The following ATRX variants were observed in gnomAD, a reference collection of about 807,000 sequenced individuals.
ATRX encodes ATRX chromatin remodeler.
A neutral mutation model predicts 172.6 loss-of-function variants in ATRX; 12 were observed. The observed-to-expected ratio is 0.07, with a 90% confidence interval of 0.04 to 0.11. ATRX has a LOEUF of 0.11. Ranked by LOEUF, ATRX falls within the 10% of genes least tolerant of loss-of-function variation. The pLI is 1.00. For missense variants in ATRX, 1,368 were observed against 1,767.4 expected (o/e 0.77, Z 4.05); for synonymous variants, 674 against 594.7 (o/e 1.13, Z -1.94).
At chrX:77,639,484 C>A (rs1021392088) in intron 15 of ATRX, among the ~76,000 whole-genome samples, 1 of 111,706 alleles carries the variant, frequency 9.0e-6, no homozygotes, top group Non-Finnish European at 1.9e-5. Context: ...GGAAACTAAG[C>A]AGAAAACCCA....
intron 30 of ATRX, among the ~76,000 whole-genome samples, chrX:77,523,791 T>C (rs1557042656): frequency 8.9e-6 from 1 of 111,754 alleles, no homozygotes; most frequent in Non-Finnish European, 1.9e-5. Flanking sequence ...CTCCTATTTA[T>C]ACATCATAAA....
At chrX:77,647,522 A>G (rs1395091481) in intron 15 of ATRX, among the ~76,000 whole-genome samples, 2 of 112,224 alleles carry the variant, frequency 1.8e-5, no homozygotes, top group African/African-American at 6.5e-5. Flanking sequence ...TGGTAGGTAC[A>G]TTCGTGTTCA....
chrX:77,706,405 G>A (rs1347831760), intron 2 of ATRX, among the ~76,000 whole-genome samples: 1 of 110,613 alleles, frequency 9.0e-6, no homozygotes, highest in Non-Finnish European at 1.9e-5. Flanking sequence ...CCCCTACTTC[G>A]CAACATATAC....
At chrX:77,659,757 T>C (rs1557121569) in intron 12 of ATRX, among the ~76,000 whole-genome samples, 2 of 111,971 alleles carry the variant, frequency 1.8e-5, no homozygotes, top group African/African-American at 6.5e-5. Flanking sequence ...TTGCACTTTG[T>C]TCTTATACCT....
chrX:77,552,645 A>C (rs2064598810), intron 30 of ATRX, among the ~76,000 whole-genome samples: 1 of 111,628 alleles, frequency 9.0e-6, no homozygotes, highest in Non-Finnish European at 1.9e-5. Context: ...TGCATTATTC[A>C]CTAAGGATAC....
intron 2 of ATRX, among the ~76,000 whole-genome samples, chrX:77,713,212 G>C (rs1339763699): frequency 1.8e-5 from 2 of 111,649 alleles, no homozygotes; most frequent in Non-Finnish European, 1.9e-5. Context: ...CTTTCTGTTG[G>C]AGAAAGAAGT....
At chrX:77,589,686 G>A in intron 27 of ATRX, 148 bp downstream of exon 27, 1 of 449,198 alleles carries the variant, frequency 2.2e-6, no homozygotes, top group Non-Finnish European at 3.9e-6. Context: ...CATATATATG[G>A]ATAAGGACAA....
chrX:77,566,773 A>G (rs1557064768), intron 28 of ATRX, among the ~76,000 whole-genome samples: 5 of 112,054 alleles, frequency 4.5e-5, no homozygotes, highest in Middle Eastern at 4.6e-3. Flanking sequence ...AATGGCTACA[A>G]TAAGTTCTCT....
chrX:77,673,359 A>T, intron 10 of ATRX, among the ~76,000 whole-genome samples: 1 of 111,400 alleles, frequency 9.0e-6, no homozygotes, highest in Admixed American at 9.6e-5. Flanking sequence ...TTACGTGTAT[A>T]AATGTGAAAA....
intron 14 of ATRX, among the ~76,000 whole-genome samples, chrX:77,652,785 C>A (rs1415279792): frequency 9.6e-6 from 1 of 104,431 alleles, no homozygotes; most frequent in Non-Finnish European, 2.0e-5. Context: ...CCAGCCTGGG[C>A]GACAGAGCGA....
chrX:77,626,725 C>T lies in ATRX; in HGVS notation c.5135-6193G>A, dbSNP rs1292904718. Among the ~76,000 whole-genome samples the T allele has an allele frequency of 2.7e-5, 3 of 111,832 alleles. No homozygotes were observed. The Admixed American group carries it at 2.8e-4, about 11-fold the overall frequency. Reference sequence around the variant, plus strand: ...TCTGTAAGCACAAAAAATTCCTATACGGATATAAATGAAACAATAATGAGA... The same window carrying T: ...TCTGTAAGCACAAAAAATTCCTATATGGATATAAATGAAACAATAATGAGA... On this transcript the variant is annotated intron_variant, in intron 19 of 34. Transcript: ENST00000373344.
At chrX:77,619,565 C>T (rs180869262) in intron 20 of ATRX, among the ~76,000 whole-genome samples, 77 of 110,471 alleles carry the variant, frequency 7.0e-4, no homozygotes, top group Admixed American at 2.6e-3. Context: ...ATTAACAGAG[C>T]CATCACTTGT....
At chrX:77,664,058 G>A (rs2070088129) in intron 11 of ATRX, among the ~76,000 whole-genome samples, 2 of 106,038 alleles carry the variant, frequency 1.9e-5, no homozygotes, top group South Asian at 4.2e-4. Flanking sequence ...CCAAAATTGC[G>A]CTATTGCACC....
At position 77,696,603 on chromosome X, in the gene ATRX, T is replaced by A. The variant is rs1557149892; in HGVS notation, c.344A>T (p.Asp115Val). The A allele has an allele frequency of 4.1e-6, 5 of 1,206,994 alleles. No individual in the cohort carries two copies. Among genetic ancestry groups the A allele is most frequent in the Non-Finnish European group, 5.6e-6 (5 of 891,296 alleles). Residue 115 changes from aspartate (D) to valine (V), a missense_variant, in exon 5 of 35, where the codon GAT (aspartate) becomes GTT (valine). Transcript: ENST00000373344. The stretch of plus-strand genomic sequence containing the variant: ...TTTTGGCAAGCTCTGCATAGTAATA[T>A]CATTTTCTGAATTTTCATTAGACGC... Reference protein sequence around the residue: ...EDASNENSENDITMQSLPKGT... With the variant: ...EDASNENSENVITMQSLPKGT...
chrX:77,569,378 C>G (rs782035537), intron 28 of ATRX, among the ~76,000 whole-genome samples: 1 of 110,800 alleles, frequency 9.0e-6, no homozygotes, highest in Non-Finnish European at 1.9e-5. Context: ...GAGAAACAGA[C>G]AAATTCACAA....
chrX:77,585,235 A>G (rs1602656211), intron 27 of ATRX, among the ~76,000 whole-genome samples: 1 of 110,367 alleles, frequency 9.1e-6, no homozygotes, highest in African/African-American at 3.3e-5. Context: ...TATGGAGAAC[A>G]GTTCAGAGGT....
At chrX:77,628,509 C>T (rs1476457300) in intron 19 of ATRX, among the ~76,000 whole-genome samples, 2 of 112,265 alleles carry the variant, frequency 1.8e-5, no homozygotes, top group East Asian at 5.5e-4. Flanking sequence ...ACATAAAAAA[C>T]CATAAAGATA....
At chrX:77,693,743 A>G in intron 6 of ATRX, 81 bp downstream of exon 6, 4 of 767,008 alleles carry the variant, frequency 5.2e-6, no homozygotes, top group Non-Finnish European at 6.0e-6. Context: ...AAGTGGAGGT[A>G]TTTTTAGTAA....
intron 28 of ATRX, among the ~76,000 whole-genome samples, chrX:77,562,307 T>A (rs782199316): frequency 8.9e-6 from 1 of 112,453 alleles, no homozygotes; most frequent in East Asian, 2.8e-4. Flanking sequence ...TTCATTTCCA[T>A]GGGATACATT....
Sources: gnomAD v4.1 joint callset for allele counts (sites outside exome capture counted in the v4.1 genomes callset) on GRCh38, gnomAD v4.1.1 for gene constraint, MANE v1.5 for transcripts, NCBI Gene and HGNC (gene_info 2026-07-23, HGNC 2026-07-21) for gene names.